Variants in PDCL2 observed in about 807,000 individuals in gnomAD.
The protein encoded by PDCL2 is phosducin-like protein 2.
PDCL2 carries 23 observed loss-of-function variants against 30.3 expected under a neutral mutation model. The ratio of observed to expected loss-of-function variants is 0.76; its 90% CI spans 0.55 to 1.08. The LOEUF is 1.08. Ranked by LOEUF, PDCL2 falls within the 50% of genes least tolerant of loss-of-function variation. The probability of loss-of-function intolerance (pLI) is 0.00; values close to 1 mark genes in which losing one functional copy is unlikely to be tolerated. For synonymous variants in PDCL2, 68 were observed against 86.2 expected (o/e 0.79, Z 1.17); for missense variants, 243 against 282.3 (o/e 0.86, Z 1.00).
intron 3 of PDCL2, among the ~76,000 whole-genome samples, chr4:55,574,806 G>A (rs1732520301): frequency 6.6e-6 from 1 of 152,144 alleles, no homozygotes; most frequent in Non-Finnish European, 1.5e-5. Context: ...AATTATGGCT[G>A]AATAGTATTC....
At chr4:55,579,400 G>C (rs1027865267) in intron 3 of PDCL2, among the ~76,000 whole-genome samples, 1 of 152,196 alleles carries the variant, frequency 6.6e-6, no homozygotes, top group East Asian at 1.9e-4. Flanking sequence ...CACGATCTTG[G>C]CTCACTGCAA....
chr4:55,567,246 C>T (rs1732291006), intron 4 of PDCL2, among the ~76,000 whole-genome samples: 1 of 152,172 alleles, frequency 6.6e-6, no homozygotes, highest in Admixed American at 6.5e-5. Context: ...TAAAATGAGA[C>T]AGCAGGCCAG....
chr4:55,558,318 A>T (rs1388774071), intron 5 of PDCL2, among the ~76,000 whole-genome samples: 2 of 151,996 alleles, frequency 1.3e-5, no homozygotes. Flanking sequence ...GGGGGTTGTT[A>T]CCTCCATGCT....
intron 3 of PDCL2, among the ~76,000 whole-genome samples, chr4:55,578,606 A>G (rs1318892617): frequency 6.6e-6 from 1 of 151,300 alleles, no homozygotes; most frequent in African/African-American, 2.4e-5. Flanking sequence ...TTTTTTAATG[A>G]GTTCTTCAAT....
In PDCL2 at chr4:55,592,223, G is replaced by C; in HGVS notation, c.-114C>G. 6.8e-7 allele frequency: 1 copy of C among 1,478,742 alleles called. No homozygotes were observed. The highest frequency in any genetic ancestry group is 9.2e-7 in the Non-Finnish European group (1 of 1,089,632). The allele number at this position is 1,478,742 out of a possible 1,614,324, so 91.6% of individuals were successfully genotyped here. Reference sequence around the variant, plus strand: ...AAGAGCGCCCGCTTCAGGCCCGGCGGTTTCGAGTGACCGCCAGAAGAGGGA... The same window carrying C: ...AAGAGCGCCCGCTTCAGGCCCGGCGCTTTCGAGTGACCGCCAGAAGAGGGA... On this transcript the variant is annotated 5_prime_UTR_variant, in exon 1 of 6. Coordinates refer to ENST00000295645, the MANE Select transcript of PDCL2 (RefSeq NM_152401.3).
At position 55,560,626 on chromosome 4, in the gene PDCL2, C is replaced by G. The variant is rs578075432; in HGVS notation, c.571+1778G>C. Among the ~76,000 whole-genome samples the G allele has an allele frequency of 3.3e-5, 5 of 152,214 alleles. No homozygotes were observed. The South Asian group carries it at 1.0e-3, about 32-fold the overall frequency. On this transcript the variant is annotated intron_variant, in intron 5 of 5. Transcript: ENST00000295645. ...GTGAGATGCTATCTCAAAAAAATAGCTGAAGCAAGCATAAACAAATGTTCA... is the reference window on the plus strand; with the variant it reads ...GTGAGATGCTATCTCAAAAAAATAGGTGAAGCAAGCATAAACAAATGTTCA...
At chr4:55,579,557 T>C (rs1484876068) in intron 3 of PDCL2, among the ~76,000 whole-genome samples, 1 of 152,154 alleles carries the variant, frequency 6.6e-6, no homozygotes, top group Non-Finnish European at 1.5e-5. Context: ...CCTCAGGTGA[T>C]CCACCCGCCT....
chr4:55,572,860 C>T (rs1002708440), intron 3 of PDCL2, among the ~76,000 whole-genome samples: 18 of 151,998 alleles, frequency 1.2e-4, no homozygotes, highest in African/African-American at 3.6e-4. Flanking sequence ...CCCGGGTTCA[C>T]GCCATTCTCC....
In PDCL2 at chr4:55,585,938, T is replaced by C. The variant is rs1385474435; in HGVS notation, c.7-3701A>G. On this transcript the variant is annotated intron_variant, in intron 1 of 5. Transcript: ENST00000295645. Reference sequence around the variant, plus strand: ...ATCTGAGTCTTCTTTATTCTTAGTATAGCTAAGGTTTTGTTGATTTTATAT... The same window carrying C: ...ATCTGAGTCTTCTTTATTCTTAGTACAGCTAAGGTTTTGTTGATTTTATAT... 5.9e-5 allele frequency among the ~76,000 whole-genome samples: 9 copies of C among 152,290 alleles called. No homozygotes were observed. The East Asian group carries it at 1.7e-3, about 29-fold the overall frequency.
rs1249509902 is a variant in PDCL2, at chr4:55,581,046, G to A, written c.128-135C>T. ...AACAGCCGGGTGCGATGGAATCCCA[G>A]TACTTTGATAGGTCGAGGTGGGTGG... On this transcript the variant is annotated intron_variant, in intron 2 of 5. Transcript: ENST00000295645. 1.2e-5 allele frequency: 7 copies of A among 581,288 alleles called. No individual in the cohort carries two copies. The East Asian group carries it at 2.2e-4, about 19-fold the overall frequency. 36.0% of individuals were successfully genotyped at this position (581,288 alleles called of 1,614,324 possible). A position where few individuals can be genotyped will look rare whatever the true frequency, so the allele number is the denominator to read the frequency against.
intron 2 of PDCL2, 119 bp from the exon 3 acceptor site, chr4:55,581,030 G>T (rs1268362338): frequency 1.6e-6 from 1 of 643,606 alleles, no homozygotes; most frequent in East Asian, 3.2e-5. Flanking sequence ...AAACAGCCGG[G>T]TGCGATGGAA....
chr4:55,577,743 T>A (rs971841114), intron 3 of PDCL2, among the ~76,000 whole-genome samples: 6 of 152,218 alleles, frequency 3.9e-5, no homozygotes, highest in Non-Finnish European at 1.5e-5. Context: ...TGATCATACA[T>A]TATATTCCTA....
intron 4 of PDCL2, among the ~76,000 whole-genome samples, chr4:55,569,392 C>T (rs1435389578): frequency 1.3e-5 from 2 of 151,942 alleles, no homozygotes; most frequent in African/African-American, 4.8e-5. Flanking sequence ...TCTGTATGGT[C>T]GATATTTAGA....
chr4:55,558,828 T>G (rs1328111173), intron 5 of PDCL2, among the ~76,000 whole-genome samples: 1 of 152,194 alleles, frequency 6.6e-6, no homozygotes, highest in African/African-American at 2.4e-5. Flanking sequence ...CTGGTGAGAA[T>G]ATATTAGTAA....
rs373149826 is a variant in PDCL2 at position 55,562,467 on chromosome 4, C to T, written c.508G>A (p.Gly170Ser). ...CCAATGAATTTGGCTTCTATCTGAC[C>T]ATTTTTATACACAAAAATTGTTGGT... The part of the protein sequence containing the change: ...CLPTIFVYKN[G>S]QIEAKFIGII... Residue 170 changes from glycine to serine, a missense_variant, in exon 5 of 6, where the codon GGT becomes AGT. Physicochemically the swap from Gly to Ser is moderately conservative, Grantham distance 56. Coordinates refer to ENST00000295645, the MANE Select transcript of PDCL2 (RefSeq NM_152401.3). 6.5e-7 allele frequency: 1 copy of T among 1,537,440 alleles called. No individual in the cohort carries two copies. Among genetic ancestry groups the T allele is most frequent in the Non-Finnish European group, 8.8e-7 (1 of 1,142,382 alleles).
At chr4:55,590,544 T>C (rs558939081) in intron 1 of PDCL2, among the ~76,000 whole-genome samples, 1 of 150,664 alleles carries the variant, frequency 6.6e-6, no homozygotes, top group South Asian at 2.1e-4. Flanking sequence ...TGGAGTGCAG[T>C]GGTGCACTCT....
intron 3 of PDCL2, among the ~76,000 whole-genome samples, chr4:55,572,728 T>C (rs1732459314): frequency 6.6e-6 from 1 of 152,204 alleles, no homozygotes; most frequent in Non-Finnish European, 1.5e-5. Context: ...TCTAGATTAG[T>C]ACCAACTAAA....
At chr4:55,585,561 C>CACAA (rs1553908210) in intron 1 of PDCL2, among the ~76,000 whole-genome samples, 7 of 151,724 alleles carry the variant, frequency 4.6e-5, no homozygotes, top group South Asian at 4.1e-4. Context: ...CACACACACA[C>CACAA]AAAGATTTAG....
At chr4:55,569,664 A>C (rs1732368069) in intron 4 of PDCL2, 54 bp downstream of exon 4, 7 of 1,382,994 alleles carry the variant, frequency 5.1e-6, no homozygotes, top group Non-Finnish European at 5.8e-6. Flanking sequence ...AAAACCAAAA[A>C]TATGTCTTTT....
Sources: gnomAD v4.1 joint callset for allele counts (sites outside exome capture counted in the v4.1 genomes callset) on GRCh38, gnomAD v4.1.1 for gene constraint, MANE v1.5 for transcripts, NCBI Gene and HGNC (gene_info 2026-07-23, HGNC 2026-07-21) for gene names.